The following UTP20 variants were observed in gnomAD, a reference collection of about 807,000 sequenced individuals.
UTP20 encodes the protein small subunit processome component 20 homolog.
In UTP20, 164 loss-of-function variants were observed where a neutral mutation model predicts 329.5. The observed-to-expected ratio is 0.50, with a 90% CI of 0.44 to 0.57. UTP20 has a LOEUF of 0.57. UTP20 is among the 20% of genes least tolerant of loss of function. UTP20 has a pLI of 0.00. For missense variants in UTP20, 3,055 were observed against 3,284.2 expected, an observed-to-expected ratio of 0.93 and a Z score of 1.71; for synonymous variants, 1,151 against 1,159.3, an observed-to-expected ratio of 0.99 and a Z score of 0.14.
intron 12 of UTP20, among the ~76,000 whole-genome samples, chr12:101,299,399 C>T (rs185416543): frequency 2.0e-5 from 3 of 152,202 alleles, no homozygotes; most frequent in African/African-American, 7.2e-5. Context: ...CAAAAACATG[C>T]CCAGGAGCAC....
chr12:101,291,680 T>G, intron 8 of UTP20, 62 bp from the exon 9 acceptor site: 1 of 1,471,292 alleles, frequency 6.8e-7, no homozygotes, highest in South Asian at 1.6e-5. Context: ...ACAGTTTTTA[T>G]TGTTGGATTA....
chr12:101,370,380 G>C, intron 49 of UTP20, 52 bp from the exon 50 acceptor site: 11 of 1,575,226 alleles, frequency 7.0e-6, no homozygotes, highest in Non-Finnish European at 9.5e-6. Context: ...CATTTCACTG[G>C]ATCCCAACTG....
chr12:101,297,363 G>T (rs757460469), intron 12 of UTP20, among the ~76,000 whole-genome samples: 1 of 151,970 alleles, frequency 6.6e-6, no homozygotes, highest in Non-Finnish European at 1.5e-5. Context: ...CCATAGGCAC[G>T]CACCACCATG....
Position 101,292,002 on chromosome 12 carries a change from C to G in UTP20, c.1071C>G (p.Leu357=). 2 of 1,614,040 alleles carry G rather than the reference C, an allele frequency of 1.2e-6. No homozygotes were observed. Among genetic ancestry groups the G allele is most frequent in the Non-Finnish European group, 1.7e-6 (2 of 1,179,970 alleles). The change falls in exon 10 of 62, where the codon CTC becomes CTG. Residue 357 remains leucine, a synonymous_variant. Transcript: ENST00000261637. The stretch of plus-strand genomic sequence containing the variant: ...CTCAAACACTGCAAGTAGCCAGTCT[C>G]TCCACATCTTGCTGGGAGACCCTCT... ...VLSQTLQVAS[L]STSCWETLLD...
At chr12:101,358,077 G>A (rs1156632446) in intron 43 of UTP20, among the ~76,000 whole-genome samples, 3 of 152,178 alleles carry the variant, frequency 2.0e-5, no homozygotes, top group Admixed American at 6.5e-5. Flanking sequence ...ACTCCTGGTA[G>A]TTAGCTTTAC....
In UTP20 at chr12:101,386,140, T is replaced by C; in HGVS notation, c.*17T>C. The C allele has an allele frequency of 1.3e-6, 2 of 1,591,008 alleles. No homozygotes were observed. Among genetic ancestry groups the C allele is most frequent in the South Asian group, 1.2e-5 (1 of 85,284 alleles). The stretch of plus-strand genomic sequence containing the variant: ...GTGGAGTAATGTCTCCCTGTGCTGA[T>C]ACAAGCATGAACTTTCTGGAATATT... On this transcript the variant is annotated 3_prime_UTR_variant, in exon 62 of 62. Transcript: ENST00000261637.
intron 17 of UTP20, 29 bp from the exon 18 acceptor site, chr12:101,308,156 C>G (rs764020577): frequency 1.9e-5 from 29 of 1,491,308 alleles, no homozygotes; most frequent in Middle Eastern, 1.8e-4. Flanking sequence ...ACTGACTGGT[C>G]TTCTCCATGG....
intron 12 of UTP20, among the ~76,000 whole-genome samples, chr12:101,297,320 A>G (rs1872388841): frequency 1.3e-5 from 2 of 152,126 alleles, no homozygotes; most frequent in Non-Finnish European, 2.9e-5. Context: ...GGCCCAAGCT[A>G]TCCTCTCACT....
At position 101,344,792 on chromosome 12, in the gene UTP20, GTT is replaced by G. The variant is rs551868158; in HGVS notation, c.4605+45_4605+46del. ...TTTAGGCACTACTGTCTGAGGCTGT[GTT>G]TTGTTTTGTTTTCCCACGTTTGCTA... is the stretch of plus-strand genomic sequence containing the variant. On this transcript the variant is annotated intron_variant, in intron 36 of 61. Transcript: ENST00000261637. 90 of 1,569,448 alleles carry G rather than the reference GTT, an allele frequency of 5.7e-5. No homozygotes were observed. In the East Asian group the frequency reaches 2.0e-3, roughly 34 times the overall value.
At chr12:101,326,720 C>T (rs531930660) in intron 25 of UTP20, 1 of 155,196 alleles carries the variant, frequency 6.4e-6, no homozygotes, top group African/African-American at 2.4e-5. Flanking sequence ...CTTCCTGCTT[C>T]CCTTAGCTTT....
Position 101,356,939 on chromosome 12 carries a change from G to T in UTP20, c.5548G>T (p.Val1850Leu), listed in dbSNP as rs1197349017. Residue 1850 changes from valine to leucine, a missense_variant, in exon 43 of 62, where the codon GTG (valine) becomes TTG (leucine). Val to Leu is a conservative substitution (Grantham distance 32, BLOSUM62 1). Coordinates refer to ENST00000261637, the MANE Select transcript of UTP20 (RefSeq NM_014503.3). ...EANLPSILLK[V>L]CALLKNRAQE... ...CTCATTTTCTAGTATTTTGCTGAAAGTGTGTGCCCTACTCAAGAACAGAGC... is the reference window on the plus strand; with the variant it reads ...CTCATTTTCTAGTATTTTGCTGAAATTGTGTGCCCTACTCAAGAACAGAGC... The T allele has an allele frequency of 6.2e-7, 1 of 1,607,772 alleles. No homozygotes were observed. The highest frequency in any genetic ancestry group is 8.5e-7 in the Non-Finnish European group (1 of 1,178,572).
chr12:101,339,022 T>C (rs1869033075), intron 31 of UTP20, 65 bp downstream of exon 31: 1 of 1,492,326 alleles, frequency 6.7e-7, no homozygotes, highest in African/African-American at 1.4e-5. Flanking sequence ...TTTAAAAAAT[T>C]ATTATCTTGG....
At chr12:101,335,726 C>G (rs1868912009) in intron 29 of UTP20, among the ~76,000 whole-genome samples, 1 of 151,958 alleles carries the variant, frequency 6.6e-6, no homozygotes, top group South Asian at 2.1e-4. Context: ...TTTCATGTAT[C>G]TTTATGTCAT....
chr12:101,304,309 T>G (rs1323160501), intron 15 of UTP20, among the ~76,000 whole-genome samples: 1 of 152,168 alleles, frequency 6.6e-6, no homozygotes, highest in Non-Finnish European at 1.5e-5. Context: ...TAACCTCAAC[T>G]TGATTATCTC....
chr12:101,379,698 T>C, intron 57 of UTP20, 140 bp downstream of exon 57: 1 of 908,742 alleles, frequency 1.1e-6, no homozygotes, highest in Non-Finnish European at 1.6e-6. Flanking sequence ...ATAGGAATAT[T>C]AGTCACTGGA....
At chr12:101,339,681 G>A (rs1869055846) in intron 31 of UTP20, among the ~76,000 whole-genome samples, 1 of 152,076 alleles carries the variant, frequency 6.6e-6, no homozygotes, top group Non-Finnish European at 1.5e-5. Flanking sequence ...GATCTCACAA[G>A]GGTTGTTAAA....
At chr12:101,330,091 G>A (rs1868710086) in intron 27 of UTP20, among the ~76,000 whole-genome samples, 1 of 152,064 alleles carries the variant, frequency 6.6e-6, no homozygotes. Context: ...TCATGAGCAT[G>A]TTAAGGAGAG....
At chr12:101,284,704 T>C (rs1265240480) in intron 2 of UTP20, among the ~76,000 whole-genome samples, 4 of 152,128 alleles carry the variant, frequency 2.6e-5, no homozygotes, top group Non-Finnish European at 2.9e-5. Context: ...AAGTAATTGA[T>C]ACCATGTTAA....
chr12:101,343,404 G>A (rs1486781332), intron 35 of UTP20, among the ~76,000 whole-genome samples: 1 of 152,212 alleles, frequency 6.6e-6, no homozygotes, highest in Non-Finnish European at 1.5e-5. Flanking sequence ...GGGAGGAATG[G>A]GGCGTGATTT....
Sources: allele counts gnomAD v4.1 joint callset (sites outside exome capture counted in the v4.1 genomes callset), GRCh38; gene constraint gnomAD v4.1.1; transcripts MANE v1.5; gene names NCBI Gene and HGNC (gene_info 2026-07-23, HGNC 2026-07-21).